Variants in EGF observed in about 807,000 individuals in gnomAD.
EGF encodes epidermal growth factor, also known as pro-epidermal growth factor.
Under a neutral mutation model 143.8 loss-of-function variants are expected in EGF, and 95 were observed. That is an observed-to-expected ratio of 0.66 (90% CI 0.56 to 0.78). The LOEUF is 0.78. Ranked by LOEUF, EGF falls within the 30% of genes least tolerant of loss-of-function variation. The pLI, the probability that EGF is intolerant of heterozygous loss-of-function variation, is 0.00. For missense variants in EGF, 1,320 were observed against 1,470.9 expected, an observed-to-expected ratio of 0.90 and a Z score of 1.68; for synonymous variants, 510 against 510.5, an observed-to-expected ratio of 1.00 and a Z score of 0.01.
chr4:110,001,566 G>A (rs964417713), intron 21 of EGF: 182 of 970,404 alleles, frequency 1.9e-4, no homozygotes, highest in Non-Finnish European at 2.1e-4. Flanking sequence ...AAGTTCATGC[G>A]TGCCATAATT....
Position 109,968,887 on chromosome 4 carries a change from T to C in EGF, c.1576-84T>C, listed in dbSNP as rs11568979. ...CCAAAGTCAAGCTCTTAACACCCTG[T>C]ACAACCTAAAGACTAGTGCCATTTG... is the stretch of plus-strand genomic sequence containing the variant. On this transcript the variant is annotated intron_variant, in intron 10 of 23. Transcript: ENST00000265171. 5,072 of 1,587,160 alleles carry C rather than the reference T, an allele frequency of 3.2e-3. 95 individuals carry two copies. The African/African-American group carries it at 0.053, about 16-fold the overall frequency.
Position 109,962,998 on chromosome 4 carries a change from C to A in EGF, c.1313-175C>A, listed in dbSNP as rs11568951. On this transcript the variant is annotated intron_variant, in intron 8 of 23. Coordinates refer to ENST00000265171, the MANE Select transcript of EGF (RefSeq NM_001963.6). ...AGGAGAATTGCTTGAACTTGGGAGG[C>A]GGAGGTTGCAATGAGCCGAGAGTGC... Among the ~76,000 whole-genome samples, 5,170 of 147,160 alleles carry A rather than the reference C, an allele frequency of 0.035. 290 individuals are homozygous for A. The highest frequency in any genetic ancestry group is 0.12 in the African/African-American group (4,871 of 39,594).
At chr4:109,975,227 T>G (rs1183135276) in intron 12 of EGF, among the ~76,000 whole-genome samples, 1 of 152,216 alleles carries the variant, frequency 6.6e-6, no homozygotes, top group African/African-American at 2.4e-5. Flanking sequence ...GTTAGAAGAC[T>G]GTGCTGTTAA....
chr4:109,939,523 C>T (rs11098054), intron 1 of EGF, among the ~76,000 whole-genome samples: 5,573 of 152,338 alleles, frequency 0.037, 309 homozygotes, highest in East Asian at 0.18. Flanking sequence ...CACCCTGCTT[C>T]GGCTGGCCCT....
chr4:109,953,916 T>TA (rs1744353825), intron 5 of EGF, among the ~76,000 whole-genome samples: 1 of 152,220 alleles, frequency 6.6e-6, no homozygotes. Context: ...TATGGATACA[T>TA]AATAGTTGTA....
At chr4:110,004,729 T>G in intron 22 of EGF, 107 bp downstream of exon 22, 1 of 771,334 alleles carries the variant, frequency 1.3e-6, no homozygotes. Context: ...AGTTATAGCT[T>G]CCAGCTGGTG....
chr4:110,009,775 C>A (rs931257346), intron 23 of EGF, among the ~76,000 whole-genome samples: 3 of 152,126 alleles, frequency 2.0e-5, no homozygotes, highest in African/African-American at 4.8e-5. Context: ...GGCTCTGAGC[C>A]AGTCTCTTCT....
In EGF at chr4:109,937,783, T is replaced by C. The variant is rs574091626; in HGVS notation, c.128-3163T>C. On this transcript the variant is annotated intron_variant, in intron 1 of 23. Coordinates refer to ENST00000265171, the MANE Select transcript of EGF (RefSeq NM_001963.6). ...TCCTTCACTTATGAAGCTTAGTTTGTCTGGATATGAAATTTTGGGTTGAAA... is the reference window on the plus strand; with the variant it reads ...TCCTTCACTTATGAAGCTTAGTTTGCCTGGATATGAAATTTTGGGTTGAAA... Among the ~76,000 whole-genome samples, 10 of 152,290 alleles carry C rather than the reference T, an allele frequency of 6.6e-5. No individual in the cohort carries two copies. The South Asian group carries it at 2.1e-3, about 32-fold the overall frequency.
chr4:109,919,891 CT>C (rs1737472781), intron 1 of EGF, among the ~76,000 whole-genome samples: 1 of 151,722 alleles, frequency 6.6e-6, no homozygotes, highest in African/African-American at 2.4e-5. Context: ...TAGTTACTGA[CT>C]GGACAGGTCA....
chr4:109,993,330 TGTGCTGGAC>T lies in EGF; in HGVS notation c.2820_2828del (p.Ala941_Arg943del), dbSNP rs777235677. 1 of 1,613,836 alleles carries T rather than the reference TGTGCTGGAC, an allele frequency of 6.2e-7. No individual in the cohort carries two copies. The highest frequency in any genetic ancestry group is 2.2e-5 in the East Asian group (1 of 44,862). ...TACAGAGGGAGGCTATACCTGCATG[TGTGCTGGAC>T]GCCTGTCTGAACCAGGACTGATTTG... On this transcript the variant is annotated inframe_deletion, in exon 19 of 24. Transcript: ENST00000265171.
intron 21 of EGF, chr4:110,001,886 T>A: frequency 1.0e-6 from 1 of 985,416 alleles, no homozygotes; most frequent in Non-Finnish European, 1.2e-6. Context: ...CCTGAGTGAA[T>A]CTATGGTTAT....
intron 1 of EGF, among the ~76,000 whole-genome samples, chr4:109,925,040 A>C (rs935190524): frequency 1.3e-5 from 2 of 152,200 alleles, no homozygotes; most frequent in African/African-American, 4.8e-5. Flanking sequence ...AGTTGTGTTC[A>C]AAGTTATGAT....
At chr4:109,964,610 A>T in intron 10 of EGF, 73 bp downstream of exon 10, 1 of 1,597,404 alleles carries the variant, frequency 6.3e-7, no homozygotes, top group Non-Finnish European at 8.6e-7. Context: ...CTAACAAATG[A>T]CCTGGCCTAC....
Position 110,004,211 on chromosome 4 carries a change from TACATACAC to T in EGF, c.3174-290_3174-283del, listed in dbSNP as rs1362949605. 1.6e-3 allele frequency: 635 copies of T among 387,444 alleles called. 4 individuals are homozygous for T. The highest frequency in any genetic ancestry group is 0.012 in the African/African-American group (501 of 40,590). The allele number at this position is 387,444 out of a possible 1,614,324, so 24.0% of individuals were successfully genotyped here. ...CTATTCCCCCCAACATACATGGGCA[TACATACAC>T]ACACACACACACACACACACACACA... On this transcript the variant is annotated intron_variant, in intron 21 of 23. Coordinates refer to ENST00000265171, the MANE Select transcript of EGF (RefSeq NM_001963.6).
rs145446923 is a variant in EGF, at chr4:109,991,500, G to A, written c.2735-1747G>A. ...TGGCACTGGTGTTTAGGCATGGCGC[G>A]GAGGAAACATGGGATCCAGGAATGA... On this transcript the variant is annotated intron_variant, in intron 18 of 23. Coordinates refer to ENST00000265171, the MANE Select transcript of EGF (RefSeq NM_001963.6). Among the ~76,000 whole-genome samples, 48 of 152,202 alleles carry A rather than the reference G, an allele frequency of 3.2e-4. No individual in the cohort carries two copies. In the East Asian group the frequency reaches 7.2e-3, roughly 23 times the overall value.
intron 1 of EGF, among the ~76,000 whole-genome samples, chr4:109,914,587 G>A (rs1860131): frequency 3.3e-5 from 5 of 152,096 alleles, no homozygotes; most frequent in African/African-American, 1.2e-4. Flanking sequence ...GAACTCTAGG[G>A]TATTTGAAAT....
In EGF at chr4:109,943,314, G is replaced by A. The variant is rs1742239386; in HGVS notation, c.388G>A (p.Val130Ile). 2 of 1,610,854 alleles carry A rather than the reference G, an allele frequency of 1.2e-6. No individual in the cohort carries two copies. Among genetic ancestry groups the A allele is most frequent in the Non-Finnish European group, 1.7e-6 (2 of 1,178,342 alleles). The change falls in exon 3 of 24, where the codon GTT (valine) becomes ATT (isoleucine). Residue 130 changes from valine (V) to isoleucine (I), a missense_variant. Physicochemically the swap from Val to Ile is conservative, Grantham distance 29. Coordinates refer to ENST00000265171, the MANE Select transcript of EGF (RefSeq NM_001963.6). ...GGCAATAAATTGGATAAATGAAGAA[G>A]TTATTTGGTCAAATCAACAGGAAGG... ...GMAINWINEEVIWSNQQEGII... is the reference protein window; with the variant it reads ...GMAINWINEEIIWSNQQEGII...
intron 18 of EGF, chr4:109,992,215 G>T (rs1250129823): frequency 1.1e-5 from 1 of 89,882 alleles, no homozygotes. Flanking sequence ...GAGAGAGAAA[G>T]AACGGAAACA....
chr4:109,995,798 A>G (rs941413030), intron 20 of EGF, among the ~76,000 whole-genome samples: 4 of 152,180 alleles, frequency 2.6e-5, no homozygotes, highest in African/African-American at 9.7e-5. Context: ...CTCTTATTTC[A>G]TCAGTAATAA....
Sources: gnomAD v4.1 joint callset for allele counts (sites outside exome capture counted in the v4.1 genomes callset) on GRCh38, gnomAD v4.1.1 for gene constraint, MANE v1.5 for transcripts, NCBI Gene and HGNC (gene_info 2026-07-23, HGNC 2026-07-21) for gene names.